Variants in NELL1 observed in about 807,000 individuals in gnomAD.
NELL1 encodes the protein neural EGFL like 1.
A neutral mutation model predicts 107.4 loss-of-function variants in NELL1; 76 were observed. The observed-to-expected ratio is 0.71, with a 90% CI of 0.59 to 0.86. The LOEUF (loss-of-function observed/expected upper bound fraction) is 0.86, where lower values mean the gene tolerates loss of function less well. NELL1 is among the 40% of genes least tolerant of loss of function. The pLI is 0.00. For synonymous variants in NELL1, 353 were observed against 341.2 expected, an observed-to-expected ratio of 1.03 and a Z score of -0.38; for missense variants, 1,024 against 1,005.5, an observed-to-expected ratio of 1.02 and a Z score of -0.25.
intron 12 of NELL1, among the ~76,000 whole-genome samples, chr11:21,109,640 T>C (rs1214612362): frequency 6.6e-6 from 1 of 152,122 alleles, no homozygotes; most frequent in Non-Finnish European, 1.5e-5. Context: ...TAAATGTCAG[T>C]TTGTTCTTTC....
intron 3 of NELL1, among the ~76,000 whole-genome samples, chr11:20,800,243 A>G (rs749076713): frequency 3.3e-5 from 5 of 152,216 alleles, no homozygotes; most frequent in Non-Finnish European, 7.3e-5. Flanking sequence ...TTCAAATGGT[A>G]GTTCTAAGTT....
chr11:21,269,374 TCTCA>T (rs1565138827), intron 14 of NELL1, among the ~76,000 whole-genome samples: 3 of 149,498 alleles, frequency 2.0e-5, no homozygotes, highest in Non-Finnish European at 3.0e-5. Flanking sequence ...TCTCTCTCTC[TCTCA>T]CACACACACA....
At chr11:20,801,615 C>T (rs1285969698) in intron 3 of NELL1, among the ~76,000 whole-genome samples, 1 of 152,054 alleles carries the variant, frequency 6.6e-6, no homozygotes, top group Non-Finnish European at 1.5e-5. Context: ...ACTTTGGTTG[C>T]CTATGCTTGT....
At chr11:21,007,360 A>T (rs1000154093) in intron 12 of NELL1, among the ~76,000 whole-genome samples, 1 of 151,260 alleles carries the variant, frequency 6.6e-6, no homozygotes, top group East Asian at 2.0e-4. Context: ...ATTCACAACC[A>T]ATGTGTATGT....
At chr11:20,808,136 G>C (rs900078985) in intron 3 of NELL1, among the ~76,000 whole-genome samples, 1 of 152,174 alleles carries the variant, frequency 6.6e-6, no homozygotes, top group Non-Finnish European at 1.5e-5. Flanking sequence ...CCTCATAGCT[G>C]TGAATGTGCT....
intron 14 of NELL1, among the ~76,000 whole-genome samples, chr11:21,343,032 G>T (rs1214845339): frequency 6.6e-6 from 1 of 151,978 alleles, no homozygotes; most frequent in Non-Finnish European, 1.5e-5. Context: ...GAGACCTGTC[G>T]CTTGGACTAT....
chr11:21,371,466 C>T (rs1851357065), intron 15 of NELL1, among the ~76,000 whole-genome samples: 1 of 151,986 alleles, frequency 6.6e-6, no homozygotes, highest in Non-Finnish European at 1.5e-5. Context: ...AGCCAATTAG[C>T]GTAAGTAAGA....
At chr11:21,257,794 G>A (rs961574993) in intron 14 of NELL1, among the ~76,000 whole-genome samples, 3 of 152,064 alleles carry the variant, frequency 2.0e-5, no homozygotes, top group East Asian at 3.9e-4. Context: ...AATGAGAGCT[G>A]TTGCTCATGC....
At position 21,282,945 on chromosome 11, in the gene NELL1, TCTTA is replaced by T. The variant is rs569213911; in HGVS notation, c.1549+53496_1549+53499del. Among the ~76,000 whole-genome samples the T allele has an allele frequency of 1.4e-3, 215 of 152,268 alleles. 1 individual carries two copies. Among genetic ancestry groups the T allele is most frequent in the African/African-American group, 4.7e-3 (194 of 41,552 alleles). On this transcript the variant is annotated intron_variant, in intron 14 of 19. Coordinates refer to ENST00000357134, the MANE Select transcript of NELL1 (RefSeq NM_006157.5). ...GCACAGAATGACAAATTGTGTATGT[TCTTA>T]CTTATTTGTGGGAGCTAAAAATTCA...
At chr11:20,681,328 A>G (rs144112392) in intron 2 of NELL1, among the ~76,000 whole-genome samples, 63 of 152,224 alleles carry the variant, frequency 4.1e-4, no homozygotes, top group Middle Eastern at 6.8e-3. Context: ...CTAAATATCC[A>G]AGTTTATTTT....
intron 3 of NELL1, among the ~76,000 whole-genome samples, chr11:20,798,256 G>C (rs1857213549): frequency 6.6e-6 from 1 of 152,196 alleles, no homozygotes; most frequent in Non-Finnish European, 1.5e-5. Flanking sequence ...TTCGTCAGAA[G>C]AAATGAAGCT....
At chr11:21,468,150 G>T (rs1321858642) in intron 15 of NELL1, among the ~76,000 whole-genome samples, 3 of 151,982 alleles carry the variant, frequency 2.0e-5, no homozygotes, top group Non-Finnish European at 4.4e-5. Flanking sequence ...GTTTATTGAA[G>T]ATTCAGTTTA....
chr11:21,254,098 G>A (rs1858709354), intron 14 of NELL1, among the ~76,000 whole-genome samples: 2 of 152,060 alleles, frequency 1.3e-5, no homozygotes, highest in African/African-American at 2.4e-5. Flanking sequence ...GAAGAGCATA[G>A]CATGTATATG....
intron 13 of NELL1, among the ~76,000 whole-genome samples, chr11:21,172,006 T>C (rs776234115): frequency 6.6e-6 from 1 of 151,926 alleles, no homozygotes; most frequent in African/African-American, 2.4e-5. Flanking sequence ...CCTGATGAAA[T>C]GTACTTATGA....
At chr11:21,317,630 T>C (rs1487175225) in intron 14 of NELL1, among the ~76,000 whole-genome samples, 1 of 151,890 alleles carries the variant, frequency 6.6e-6, no homozygotes, top group African/African-American at 2.4e-5. Flanking sequence ...TATAGATAAG[T>C]ATGGACATAG....
At chr11:20,797,251 C>T (rs982334685) in intron 3 of NELL1, among the ~76,000 whole-genome samples, 5 of 151,950 alleles carry the variant, frequency 3.3e-5, no homozygotes, top group African/African-American at 1.2e-4. Flanking sequence ...ATGGAGGGGG[C>T]AAAATTGGAG....
intron 1 of NELL1, chr11:20,674,456 A>G (rs1414821020): frequency 3.9e-6 from 6 of 1,522,402 alleles, no homozygotes; most frequent in Non-Finnish European, 5.3e-6. Context: ...ATCTTTTTAC[A>G]CACGGTAACC....
intron 16 of NELL1, among the ~76,000 whole-genome samples, chr11:21,543,333 C>A (rs1396853314): frequency 6.6e-6 from 1 of 151,954 alleles, no homozygotes; most frequent in Non-Finnish European, 1.5e-5. Flanking sequence ...AACCATGGAA[C>A]TGTAAGGAAT....
chr11:20,869,754 C>T (rs117295226), intron 4 of NELL1, among the ~76,000 whole-genome samples: 1,828 of 152,276 alleles, frequency 0.012, 48 homozygotes, highest in Admixed American at 0.06. Context: ...GTGAGAAGAA[C>T]AGAATTGTTA....
Sources: gnomAD v4.1 joint callset for allele counts (sites outside exome capture counted in the v4.1 genomes callset) on GRCh38, gnomAD v4.1.1 for gene constraint, MANE v1.5 for transcripts, NCBI Gene and HGNC (gene_info 2026-07-23, HGNC 2026-07-21) for gene names.